Variants in ZBTB20 observed in about 807,000 individuals in gnomAD.
ZBTB20 encodes the protein zinc finger and BTB domain-containing protein 20.
ZBTB20 carries 9 observed loss-of-function variants against 56.9 expected under a neutral mutation model. The ratio of observed to expected loss-of-function variants is 0.16; its 90% CI spans 0.10 to 0.28. The LOEUF (loss-of-function observed/expected upper bound fraction) is 0.28. Among genes scored for constraint, ZBTB20 ranks in the 10% least tolerant of loss-of-function variants. ZBTB20 has a pLI of 1.00. For synonymous variants in ZBTB20, 417 were observed against 420.7 expected, an observed-to-expected ratio of 0.99 and a Z score of 0.11; for missense variants, 655 against 1,003.0, an observed-to-expected ratio of 0.65 and a Z score of 4.69.
intron 1 of ZBTB20, among the ~76,000 whole-genome samples, chr3:115,077,217 T>C (rs2082629639): frequency 6.6e-6 from 1 of 152,178 alleles, no homozygotes; most frequent in Non-Finnish European, 1.5e-5. Flanking sequence ...TAATCCAACT[T>C]TTAATAATGC....
chr3:114,713,811 A>C (rs760682310), intron 5 of ZBTB20, among the ~76,000 whole-genome samples: 16 of 152,308 alleles, frequency 1.1e-4, no homozygotes, highest in Non-Finnish European at 2.1e-4. Context: ...AATATACACG[A>C]AACAGTGAAA....
At chr3:114,586,428 A>C (rs2055183128) in intron 6 of ZBTB20, among the ~76,000 whole-genome samples, 1 of 152,150 alleles carries the variant, frequency 6.6e-6, no homozygotes, top group Non-Finnish European at 1.5e-5. Context: ...AAGCCACATA[A>C]ACTCACTTGT....
At chr3:114,630,204 T>C (rs138678154) in intron 6 of ZBTB20, among the ~76,000 whole-genome samples, 24 of 152,248 alleles carry the variant, frequency 1.6e-4, no homozygotes, top group Non-Finnish European at 2.6e-4. Context: ...AGGGCTAAGA[T>C]AGCATATCCA....
intron 1 of ZBTB20, among the ~76,000 whole-genome samples, chr3:115,090,425 T>A (rs2083146153): frequency 6.6e-6 from 1 of 151,850 alleles, no homozygotes; most frequent in South Asian, 2.1e-4. Context: ...TGTCAAAATT[T>A]ATGAATGATG....
At chr3:114,639,857 T>C (rs1473843709) in intron 6 of ZBTB20, among the ~76,000 whole-genome samples, 4 of 152,040 alleles carry the variant, frequency 2.6e-5, no homozygotes, top group Non-Finnish European at 5.9e-5. Flanking sequence ...GCAAGACACA[T>C]GGATGGCACA....
chr3:114,380,230 G>A lies in ZBTB20; in HGVS notation c.186C>T (p.Thr62=), dbSNP rs890606228. 12 of 1,536,334 alleles carry A rather than the reference G, an allele frequency of 7.8e-6. No individual in the cohort carries two copies. The highest frequency in any genetic ancestry group is 7.3e-5 in the East Asian group (3 of 40,900). The change falls in exon 10 of 12, where the codon ACC becomes ACT. Residue 62 remains threonine (T), a synonymous_variant. Transcript: ENST00000675478. ...TGGTGTACTCACAATCAGATGACCCGGTGTGAGCGTGAGAGTTTGTCAGTG... is the reference window on the plus strand; with the variant it reads ...TGGTGTACTCACAATCAGATGACCCAGTGTGAGCGTGAGAGTTTGTCAGTG... The part of the protein sequence containing the change: ...THSLTNSHAH[T]GSSDCDISCK...
At chr3:114,422,531 C>T (rs1315407322) in intron 7 of ZBTB20, among the ~76,000 whole-genome samples, 1 of 152,124 alleles carries the variant, frequency 6.6e-6, no homozygotes, top group Non-Finnish European at 1.5e-5. Context: ...TTACCCTGCA[C>T]CCCCAATTGT....
chr3:114,387,256 T>C (rs1215633162), intron 8 of ZBTB20: 1 of 152,148 alleles, frequency 6.6e-6, no homozygotes, highest in African/African-American at 2.4e-5. Flanking sequence ...CCAGAAGAGA[T>C]ATACTTCTGT....
chr3:115,033,450 T>C (rs1377938003), intron 2 of ZBTB20, among the ~76,000 whole-genome samples: 1 of 151,500 alleles, frequency 6.6e-6, no homozygotes, highest in Non-Finnish European at 1.5e-5. Flanking sequence ...AAAAGAATAA[T>C]ATCAACTAAA....
Position 114,339,732 on chromosome 3 carries a change from A to G in ZBTB20, c.1805-306T>C, listed in dbSNP as rs955295789. Among the ~76,000 whole-genome samples, 4 of 152,176 alleles carry G rather than the reference A, an allele frequency of 2.6e-5. No homozygotes were observed. On this transcript the variant is annotated intron_variant, in intron 11 of 11. Coordinates refer to ENST00000675478, the MANE Select transcript of ZBTB20 (RefSeq NM_001348800.3). This position sits in a 1 kb window ranked among gnomAD's most constrained non-coding sequence, Gnocchi z 4.2. The stretch of plus-strand genomic sequence containing the variant: ...AAAAGTCTTCAAGGTCACTCCGTGG[A>G]AAAGGGAGGGCTACTTTTGAAGGGG...
At chr3:115,104,916 G>C (rs1257541114) in intron 1 of ZBTB20, among the ~76,000 whole-genome samples, 1 of 152,144 alleles carries the variant, frequency 6.6e-6, no homozygotes, top group Admixed American at 6.5e-5. Context: ...ATATGACTCT[G>C]GTGGGGGATA....
chr3:114,870,541 G>A (rs1263620237), intron 4 of ZBTB20, among the ~76,000 whole-genome samples: 1 of 151,542 alleles, frequency 6.6e-6, no homozygotes, highest in Admixed American at 6.6e-5. Context: ...TGAAAATTCT[G>A]AGCCTTGCTT....
At chr3:115,063,680 CACAA>C (rs1222901987) in intron 2 of ZBTB20, among the ~76,000 whole-genome samples, 1 of 146,738 alleles carries the variant, frequency 6.8e-6, no homozygotes, top group Admixed American at 6.8e-5. Context: ...CACACACACA[CACAA>C]ACACACACAC....
At chr3:114,846,764 C>T (rs2074725631) in intron 4 of ZBTB20, among the ~76,000 whole-genome samples, 1 of 152,128 alleles carries the variant, frequency 6.6e-6, no homozygotes, top group Non-Finnish European at 1.5e-5. Flanking sequence ...ATTTTTAAAA[C>T]CACTTCTGAC....
At chr3:114,994,210 T>C (rs145856037) in intron 2 of ZBTB20, among the ~76,000 whole-genome samples, 1 of 151,856 alleles carries the variant, frequency 6.6e-6, no homozygotes. Flanking sequence ...TCAAATGAAA[T>C]AAGCAGTTTC....
chr3:115,118,832 A>G (rs1251960327), intron 1 of ZBTB20, among the ~76,000 whole-genome samples: 1 of 151,248 alleles, frequency 6.6e-6, no homozygotes, highest in Non-Finnish European at 1.5e-5. Context: ...GCCAAGTACA[A>G]ATGTTTTTGT....
intron 6 of ZBTB20, chr3:114,684,673 T>C (rs1395497705): frequency 6.6e-6 from 1 of 152,162 alleles, no homozygotes; most frequent in African/African-American, 2.4e-5. Context: ...TGGAGAAAAC[T>C]GGTTTGGGGA....
rs564759032 is a variant in ZBTB20 at position 114,755,084 on chromosome 3, A to G, written c.-343+46017T>C. 6.2e-4 allele frequency among the ~76,000 whole-genome samples: 95 copies of G among 152,314 alleles called. 2 individuals are homozygous for G. In the South Asian group the frequency reaches 0.019, roughly 31 times the overall value. On this transcript the variant is annotated intron_variant, in intron 5 of 11. Transcript: ENST00000675478. ...AGAAATTCTGGAATGGGGTTCAGGA[A>G]TCTCCATTTTAACAGGTGCTCTAGA...
At chr3:114,409,125 C>CTT (rs56339103) in intron 7 of ZBTB20, among the ~76,000 whole-genome samples, 745 of 71,964 alleles carry the variant, frequency 0.01, 46 homozygotes, top group Non-Finnish European at 0.013. Flanking sequence ...AAAGGGAAGA[C>CTT]TTTTTTTTTT....
Sources: gnomAD v4.1 joint callset for allele counts (sites outside exome capture counted in the v4.1 genomes callset) on GRCh38, gnomAD v4.1.1 for gene constraint, Gnocchi (gnomAD v3.1) non-coding constraint, MANE v1.5 for transcripts, NCBI Gene and HGNC (gene_info 2026-07-23, HGNC 2026-07-21) for gene names.